Variants in PTPRT observed in about 807,000 individuals in gnomAD.
PTPRT encodes the protein receptor-type tyrosine-protein phosphatase T.
Under a neutral mutation model 176.8 loss-of-function variants are expected in PTPRT, and 56 were observed. That is an observed-to-expected ratio of 0.32 (90% confidence interval 0.26 to 0.40). PTPRT has a LOEUF of 0.40. PTPRT is among the 10% of genes least tolerant of loss of function. The pLI, the probability that PTPRT is intolerant of heterozygous loss-of-function variation, is 1.00. For synonymous variants in PTPRT, 783 were observed against 739.0 expected, an observed-to-expected ratio of 1.06 and a Z score of -0.96; for missense variants, 1,540 against 1,908.2, an observed-to-expected ratio of 0.81 and a Z score of 3.60.
At chr20:43,118,689 C>T (rs997978742) in intron 1 of PTPRT, among the ~76,000 whole-genome samples, 3 of 152,192 alleles carry the variant, frequency 2.0e-5, no homozygotes, top group Non-Finnish European at 2.9e-5. Flanking sequence ...CCACCCGCCT[C>T]AACCTCCCAA....
At chr20:42,940,129 A>G (rs1056522958) in intron 1 of PTPRT, among the ~76,000 whole-genome samples, 2 of 152,238 alleles carry the variant, frequency 1.3e-5, no homozygotes, top group African/African-American at 4.8e-5. Context: ...CAGTGAGGAT[A>G]CAGAGGCTCG....
At chr20:43,047,246 G>A (rs916048892) in intron 1 of PTPRT, among the ~76,000 whole-genome samples, 9 of 151,950 alleles carry the variant, frequency 5.9e-5, no homozygotes, top group African/African-American at 1.7e-4. Flanking sequence ...TTTATTTGAC[G>A]TCCCAGTGTG....
In PTPRT at chr20:42,296,445, C is replaced by CAA. The variant is rs139929018; in HGVS notation, c.2140-13922_2140-13921dup. 5.5e-3 allele frequency among the ~76,000 whole-genome samples: 685 copies of CAA among 123,622 alleles called. 11 individuals are homozygous for CAA. The highest frequency in any genetic ancestry group is 0.016 in the African/African-American group (557 of 34,942). 81.1% of individuals were successfully genotyped at this position (123,622 alleles called of 152,430 possible). A position where few individuals can be genotyped will look rare whatever the true frequency, so the allele number is the denominator to read the frequency against. On this transcript the variant is annotated intron_variant, in intron 12 of 30. Transcript: ENST00000373187. Reference sequence around the variant, plus strand: ...TGGGTAACACAGCGAGACTCTGTCTCAAAAAAAAAAAAAAAGTGTTAAATA... The same window carrying CAA: ...TGGGTAACACAGCGAGACTCTGTCTCAAAAAAAAAAAAAAAAAGTGTTAAATA...
intron 13 of PTPRT, 102 bp from the exon 14 acceptor site, chr20:42,248,924 T>A: frequency 2.9e-6 from 4 of 1,397,610 alleles, no homozygotes; most frequent in Non-Finnish European, 4.0e-6. Context: ...GTGCTAACTA[T>A]GTGCCAGGCA....
At chr20:42,744,849 A>C (rs6065529) in intron 6 of PTPRT, among the ~76,000 whole-genome samples, 12,087 of 152,304 alleles carry the variant, frequency 0.079, 812 homozygotes, top group East Asian at 0.26. Context: ...GACATGCAGC[A>C]GTTCTGCTCA....
At chr20:42,410,138 GA>G (rs1468757713) in intron 9 of PTPRT, among the ~76,000 whole-genome samples, 1 of 151,954 alleles carries the variant, frequency 6.6e-6, no homozygotes, top group Non-Finnish European at 1.5e-5. Context: ...TAGGAAGGGT[GA>G]AAATAAATTA....
chr20:42,343,087 C>T (rs1440463826), intron 11 of PTPRT, among the ~76,000 whole-genome samples: 1 of 152,156 alleles, frequency 6.6e-6, no homozygotes, highest in Non-Finnish European at 1.5e-5. Context: ...CACCATGCCT[C>T]AAGCAACCTA....
In PTPRT at chr20:42,725,009, T is replaced by TG. The variant is rs1569113401; in HGVS notation, c.859+31452_859+31453insC. On this transcript the variant is annotated intron_variant, in intron 6 of 30. Coordinates refer to ENST00000373187, the MANE Select transcript of PTPRT (RefSeq NM_007050.6). The stretch of plus-strand genomic sequence containing the variant: ...CTTGACAGCAGGATGTGGACATCTT[T>TG]TGTGTGTGTGTGTGTGTGTGTGTGT... 9.2e-4 allele frequency among the ~76,000 whole-genome samples: 123 copies of TG among 134,042 alleles called. 2 individuals are homozygous for TG. The highest frequency in any genetic ancestry group is 2.7e-3 in the African/African-American group (101 of 38,054). The allele number at this position is 134,042 out of a possible 152,430, so 87.9% of individuals were successfully genotyped here. A position where few individuals can be genotyped will look rare whatever the true frequency, so the allele number is the denominator to read the frequency against.
intron 1 of PTPRT, among the ~76,000 whole-genome samples, chr20:42,934,283 A>C (rs1980041086): frequency 6.6e-6 from 1 of 152,254 alleles, no homozygotes; most frequent in African/African-American, 2.4e-5. Context: ...TCTGTAGCTG[A>C]GGGAAACAAC....
chr20:42,917,925 G>T (rs1978884950), intron 1 of PTPRT, among the ~76,000 whole-genome samples: 1 of 152,062 alleles, frequency 6.6e-6, no homozygotes, highest in Non-Finnish European at 1.5e-5. Flanking sequence ...GAAGGTGTAG[G>T]ACTTGCTCAT....
chr20:42,086,916 T>A (rs1984022810), intron 27 of PTPRT, among the ~76,000 whole-genome samples: 1 of 150,654 alleles, frequency 6.6e-6, no homozygotes, highest in Non-Finnish European at 1.5e-5. Context: ...CTGACAGATC[T>A]TGCCTATGAT....
chr20:42,095,773 CTG>C (rs1449562984), intron 27 of PTPRT, among the ~76,000 whole-genome samples: 3 of 152,160 alleles, frequency 2.0e-5, no homozygotes, highest in African/African-American at 7.2e-5. Context: ...CTCGCTTTGT[CTG>C]TGTTGCTCAG....
intron 9 of PTPRT, among the ~76,000 whole-genome samples, chr20:42,368,970 C>A (rs2058551242): frequency 6.6e-6 from 1 of 151,850 alleles, no homozygotes; most frequent in Admixed American, 6.6e-5. Context: ...GAGTCTGGTT[C>A]TTTTTTTTCT....
intron 9 of PTPRT, among the ~76,000 whole-genome samples, chr20:42,414,756 A>G (rs2145748901): frequency 6.6e-6 from 1 of 152,318 alleles, no homozygotes; most frequent in South Asian, 2.1e-4. Context: ...AGAAATATGA[A>G]AGATTTTATG....
At chr20:42,721,844 C>T (rs982179128) in intron 6 of PTPRT, among the ~76,000 whole-genome samples, 1 of 152,174 alleles carries the variant, frequency 6.6e-6, no homozygotes, top group African/African-American at 2.4e-5. Context: ...ATCAACAGGC[C>T]AACCCATTTC....
chr20:42,890,483 T>C (rs1394994666), intron 1 of PTPRT, among the ~76,000 whole-genome samples: 30 of 152,084 alleles, frequency 2.0e-4, no homozygotes, highest in Admixed American at 2.0e-3. Context: ...CTTCCACTTG[T>C]AACATTTAAG....
chr20:42,422,066 C>T (rs1600997289), intron 9 of PTPRT, among the ~76,000 whole-genome samples: 1 of 152,146 alleles, frequency 6.6e-6, no homozygotes, highest in Admixed American at 6.5e-5. Context: ...AGATGGATTA[C>T]AGACTTAAAT....
At chr20:42,834,628 G>C (rs935236099) in intron 2 of PTPRT, among the ~76,000 whole-genome samples, 1 of 152,104 alleles carries the variant, frequency 6.6e-6, no homozygotes, top group African/African-American at 2.4e-5. Context: ...TTCAGGTTGT[G>C]GGATATGATG....
In PTPRT at chr20:42,421,187, C is replaced by T. The variant is rs375497082; in HGVS notation, c.1560+27033G>A. Among the ~76,000 whole-genome samples the T allele has an allele frequency of 6.6e-5, 10 of 152,178 alleles. No individual in the cohort carries two copies. The East Asian group carries it at 1.2e-3, about 18-fold the overall frequency. On this transcript the variant is annotated intron_variant, in intron 9 of 30. Transcript: ENST00000373187. ...TCTGAAAAATTAGATGCAGTCTGCACTTCTCTTCTCAACGTAATGACATGT... is the reference window on the plus strand; with the variant it reads ...TCTGAAAAATTAGATGCAGTCTGCATTTCTCTTCTCAACGTAATGACATGT...
Sources: allele counts gnomAD v4.1 joint callset (sites outside exome capture counted in the v4.1 genomes callset), GRCh38; gene constraint gnomAD v4.1.1; transcripts MANE v1.5; gene names NCBI Gene and HGNC (gene_info 2026-07-23, HGNC 2026-07-21).